The following CACNA1A variants were observed in gnomAD, a reference collection of about 807,000 sequenced individuals.
CACNA1A encodes calcium voltage-gated channel subunit alpha1 A.
In CACNA1A, 57 loss-of-function variants were observed where a neutral mutation model predicts 262.4. That is an observed-to-expected ratio of 0.22 (90% confidence interval 0.18 to 0.27). The LOEUF is 0.27. CACNA1A is among the 10% of genes least tolerant of loss of function. The pLI, the probability that CACNA1A is intolerant of heterozygous loss-of-function variation, is 1.00. For synonymous variants in CACNA1A, 1,431 were observed against 1,419.3 expected (o/e 1.01, Z -0.18); for missense variants, 2,526 against 3,562.8 (o/e 0.71, Z 7.41).
intron 4 of CACNA1A, among the ~76,000 whole-genome samples, chr19:13,367,017 CGCG>C (rs141111040): frequency 0.029 from 4,415 of 152,152 alleles, 207 homozygotes; most frequent in African/African-American, 0.1. Context: ...CTAGGCAGGG[CGCG>C]GCGGCGGTTC....
chr19:13,453,073 A>G, intron 2 of CACNA1A, 58 bp from the exon 3 acceptor site: 1 of 1,593,294 alleles, frequency 6.3e-7, no homozygotes, highest in East Asian at 2.2e-5. Context: ...TGACAAGATC[A>G]GGGAACCAGC....
chr19:13,497,499 AAAAAAAAAAAAAAAAAAAAAAAAT>A (rs1981683348), intron 1 of CACNA1A, among the ~76,000 whole-genome samples: 3 of 30,930 alleles, frequency 9.7e-5, no homozygotes, highest in African/African-American at 3.9e-4. Flanking sequence ...AAAAAAAAAA[AAAAAAAAAAAAAAAAAAAAAAAAT>A]ATATATATAT....
rs1220294928 is a variant in CACNA1A, at chr19:13,209,470, C to T, written c.6368G>A (p.Arg2123His). 4.4e-6 allele frequency: 6 copies of T among 1,351,978 alleles called. No homozygotes were observed. The highest frequency in any genetic ancestry group is 2.8e-5 in the East Asian group (1 of 35,668). The allele number at this position is 1,351,978 out of a possible 1,614,324, so 83.7% of individuals were successfully genotyped here. The change falls in exon 45 of 47, where the codon CGT becomes CAT. Residue 2123 changes from arginine to histidine, a missense_variant. Arg to His is a conservative substitution (Grantham distance 29). This residue lies in a region of CACNA1A where 929 missense variants were observed against 868.1 expected (regional missense o/e 1.07). Transcript: ENST00000360228. Reference protein sequence around the residue: ...STISDTSPMKRSASVLGPKAR... With the variant: ...STISDTSPMKHSASVLGPKAR... ...CTTGGGGCCCAGCACGGAGGCTGAA[C>T]GCTTCATGGGGCTGGTGTCTGAGAT...
chr19:13,483,234 A>T (rs1979568799), intron 1 of CACNA1A, among the ~76,000 whole-genome samples: 1 of 152,090 alleles, frequency 6.6e-6, no homozygotes, highest in Admixed American at 6.6e-5. Flanking sequence ...AGATGGAAAG[A>T]GCCGGGTCCT....
At chr19:13,334,825 A>T (rs1200560587) in intron 7 of CACNA1A, among the ~76,000 whole-genome samples, 5 of 152,062 alleles carry the variant, frequency 3.3e-5, no homozygotes, top group Non-Finnish European at 1.5e-5. Flanking sequence ...ATTTAAGGCC[A>T]GGAATTTGAG....
chr19:13,491,537 G>A (rs890462811), intron 1 of CACNA1A, among the ~76,000 whole-genome samples: 6 of 152,168 alleles, frequency 3.9e-5, no homozygotes, highest in Admixed American at 3.9e-4. Flanking sequence ...TGTGGAAAAT[G>A]GTCTGTTTGC....
intron 1 of CACNA1A, among the ~76,000 whole-genome samples, chr19:13,496,006 A>T (rs1223108614): frequency 6.7e-6 from 1 of 150,190 alleles, no homozygotes; most frequent in Non-Finnish European, 1.5e-5. Context: ...CCTTCATCCC[A>T]TCCATCCATC....
At chr19:13,215,565 C>A (rs1354360528) in intron 38 of CACNA1A, among the ~76,000 whole-genome samples, 1 of 151,712 alleles carries the variant, frequency 6.6e-6, no homozygotes, top group African/African-American at 2.4e-5. Context: ...GTGATCCACC[C>A]TCCTCAGCCT....
intron 11 of CACNA1A, among the ~76,000 whole-genome samples, chr19:13,314,144 G>A (rs2058084607): frequency 6.6e-6 from 1 of 152,198 alleles, no homozygotes; most frequent in Non-Finnish European, 1.5e-5. Context: ...TTTCTTGGTA[G>A]GGTAGGAAGA....
At position 13,208,948 on chromosome 19, in the gene CACNA1A, G is replaced by A; in HGVS notation, c.6588C>T (p.Asp2196=). 1 of 1,536,804 alleles carries A rather than the reference G, an allele frequency of 6.5e-7. No homozygotes were observed. The highest frequency in any genetic ancestry group is 8.7e-7 in the Non-Finnish European group (1 of 1,146,830). The change falls in exon 46 of 47, where the codon GAC becomes GAT. Residue 2196 remains aspartate (D), a synonymous_variant. Transcript: ENST00000360228. The part of the protein sequence containing the change: ...QSGDLPSKER[D]QERGRPKDRK... ...GATCCTTGGGCCGGCCCCGCTCCTG[G>A]TCCCGCTCCTTCGACGGCAGGTCCC...
At position 13,406,465 on chromosome 19, in the gene CACNA1A, TTATATATATATATA is replaced by T. The variant is rs61273249; in HGVS notation, c.540-34700_540-34687del. 3.6e-3 allele frequency among the ~76,000 whole-genome samples: 113 copies of T among 31,548 alleles called. 3 individuals are homozygous for T. In the East Asian group the frequency reaches 0.039, roughly 11 times the overall value. 20.7% of individuals were successfully genotyped at this position (31,548 alleles called of 152,430 possible). A position where few individuals can be genotyped will look rare whatever the true frequency, so the allele number is the denominator to read the frequency against. On this transcript the variant is annotated intron_variant, in intron 3 of 46. Coordinates refer to ENST00000360228, the MANE Select transcript of CACNA1A (RefSeq NM_001127222.2). ...GGGAGACTCTGTCTCAAAAAAAAAA[TTATATATATATATA>T]TATATATATATATATATATATATAT... is the stretch of plus-strand genomic sequence containing the variant.
In CACNA1A at chr19:13,207,617, T is replaced by C. The variant is rs1397997857; in HGVS notation, c.7217A>G (p.His2406Arg). The part of the protein sequence containing the change: ...HVSEGPPGPR[H>R]HGYYRGSDYD... ...GTCGGAGCCCCGGTAGTAGCCATGG[T>C]GCCGGGGACCCGGGGGCCCCTCGGA... Residue 2406 changes from histidine (H) to arginine (R), a missense_variant, in exon 47 of 47, where the codon CAC (histidine) becomes CGC (arginine). His to Arg is a conservative substitution (Grantham distance 29, BLOSUM62 0). Around this residue, in one of 17 missense-constraint regions of CACNA1A, gnomAD observed 929 missense variants for 868.1 expected, o/e 1.07. Transcript: ENST00000360228. The surrounding 1 kb of genome is among the most constrained non-coding windows in gnomAD (Gnocchi z 5.7). 6.1e-6 allele frequency: 9 copies of C among 1,479,916 alleles called. No homozygotes were observed. Among genetic ancestry groups the C allele is most frequent in the African/African-American group, 2.9e-5 (2 of 67,844 alleles). The allele number at this position is 1,479,916 out of a possible 1,614,324, so 91.7% of individuals were successfully genotyped here. A position where few individuals can be genotyped will look rare whatever the true frequency, so the allele number is the denominator to read the frequency against.
chr19:13,371,000 A>G (rs2059313414), intron 4 of CACNA1A: 1 of 152,134 alleles, frequency 6.6e-6, no homozygotes, highest in Admixed American at 6.5e-5. Context: ...TGCATATGGC[A>G]GCCACCCTTA....
At chr19:13,230,694 C>T (rs901747698) in intron 35 of CACNA1A, among the ~76,000 whole-genome samples, 2 of 151,958 alleles carry the variant, frequency 1.3e-5, no homozygotes, top group Non-Finnish European at 2.9e-5. Context: ...GTAATCCCAG[C>T]TACTTGGGAG....
At chr19:13,485,529 T>G (rs908750368) in intron 1 of CACNA1A, among the ~76,000 whole-genome samples, 1 of 152,204 alleles carries the variant, frequency 6.6e-6, no homozygotes, top group Non-Finnish European at 1.5e-5. Context: ...ATCAATATTT[T>G]TTTTTTAAAA....
At chr19:13,407,229 C>T (rs756273432) in intron 3 of CACNA1A, among the ~76,000 whole-genome samples, 5 of 152,184 alleles carry the variant, frequency 3.3e-5, no homozygotes, top group Non-Finnish European at 5.9e-5. Context: ...GTACAAAATT[C>T]AGAAAGACAC....
intron 1 of CACNA1A, among the ~76,000 whole-genome samples, chr19:13,474,628 C>G (rs528134395): frequency 1.3e-5 from 2 of 152,200 alleles, no homozygotes; most frequent in South Asian, 2.1e-4. Flanking sequence ...ACCAGCCTGG[C>G]CAATATGGTG....
intron 6 of CACNA1A, among the ~76,000 whole-genome samples, chr19:13,350,023 G>A (rs1256055171): frequency 1.3e-5 from 2 of 152,192 alleles, no homozygotes; most frequent in Non-Finnish European, 2.9e-5. Flanking sequence ...TGTTGATGGA[G>A]GTTTGTTTTG....
chr19:13,361,151 A>G (rs1327283104), intron 5 of CACNA1A, among the ~76,000 whole-genome samples: 1 of 152,010 alleles, frequency 6.6e-6, no homozygotes. Flanking sequence ...TCTGGGGGTG[A>G]GGGACACCAG....
Sources: gnomAD v4.1 joint callset for allele counts (sites outside exome capture counted in the v4.1 genomes callset) on GRCh38, gnomAD v4.1.1 for gene constraint, gnomAD v4.1.1 regional missense constraint, Gnocchi (gnomAD v3.1) non-coding constraint, MANE v1.5 for transcripts, NCBI Gene and HGNC (gene_info 2026-07-23, HGNC 2026-07-21) for gene names.